Variants in POM121C observed in about 807,000 individuals in gnomAD.
POM121C encodes the protein nuclear envelope pore membrane protein POM 121C.
POM121C carries 20 observed loss-of-function variants against 66.4 expected under a neutral mutation model. That is an observed-to-expected ratio of 0.30 (90% CI 0.21 to 0.44). POM121C has a LOEUF of 0.44. POM121C is among the 20% of genes least tolerant of loss of function. POM121C has a pLI of 1.00. For missense variants in POM121C, 580 were observed against 1,225.7 expected (o/e 0.47, Z 7.87); for synonymous variants, 286 against 528.0 (o/e 0.54, Z 6.28).
chr7:75,433,194 C>G lies in POM121C; in HGVS notation c.480+4321G>C, dbSNP rs1427013832. Reference sequence around the variant, plus strand: ...AGATTGCAGTGAGCTGAGATCGCACCGCTGCACTCTAGCCCCAGCGACAGT... The same window carrying G: ...AGATTGCAGTGAGCTGAGATCGCACGGCTGCACTCTAGCCCCAGCGACAGT... On this transcript the variant is annotated intron_variant, in intron 7 of 14. Transcript: ENST00000615331. Among the ~76,000 whole-genome samples, 3 of 132,528 alleles carry G rather than the reference C, an allele frequency of 2.3e-5. No individual in the cohort carries two copies. In the East Asian group the frequency reaches 7.4e-4, roughly 33 times the overall value. 86.9% of individuals were successfully genotyped at this position (132,528 alleles called of 152,430 possible).
intron 1 of POM121C, among the ~76,000 whole-genome samples, chr7:75,482,755 G>A (rs1388391547): frequency 6.6e-6 from 1 of 151,984 alleles, no homozygotes; most frequent in Admixed American, 6.6e-5. Flanking sequence ...AATACTTACA[G>A]ATGAATCTTT....
At chr7:75,475,000 C>T in intron 2 of POM121C, 62 bp downstream of exon 2, 1 of 1,476,208 alleles carries the variant, frequency 6.8e-7, no homozygotes, top group Admixed American at 1.7e-5. Flanking sequence ...CCACTTATTT[C>T]TTCAAACTCA....
Position 75,470,663 on chromosome 7 carries a change from C to T in POM121C, c.-152+4041G>A, listed in dbSNP as rs1264872486. On this transcript the variant is annotated intron_variant, in intron 3 of 14. Transcript: ENST00000615331. Reference sequence around the variant, plus strand: ...TTTTCTTTTTTTTGAGAAAGGGTCTCACCCTGTCACCCAGGCTGGAGTGCA... The same window carrying T: ...TTTTCTTTTTTTTGAGAAAGGGTCTTACCCTGTCACCCAGGCTGGAGTGCA... Among the ~76,000 whole-genome samples the T allele has an allele frequency of 1.0e-4, 15 of 150,680 alleles. No homozygotes were observed. In the South Asian group the frequency reaches 3.2e-3, roughly 32 times the overall value.
chr7:75,435,662 A>C (rs1790374324), intron 7 of POM121C, among the ~76,000 whole-genome samples: 1 of 152,254 alleles, frequency 6.6e-6, no homozygotes, highest in Non-Finnish European at 1.5e-5. Context: ...TAGGATTCAC[A>C]GAGGGATATA....
Position 75,421,784 on chromosome 7 carries a change from C to G in POM121C, c.2468G>C (p.Ser823Thr), listed in dbSNP as rs1396983374. 2.5e-6 allele frequency: 4 copies of G among 1,608,014 alleles called. No homozygotes were observed. In the African/African-American group the frequency reaches 5.3e-5, roughly 22 times the overall value. Residue 823 changes from serine (S) to threonine (T), a missense_variant, in exon 13 of 15, where the codon AGC (serine) becomes ACC (threonine). Physicochemically the swap from Ser to Thr is moderately conservative, Grantham distance 58 (BLOSUM62 1). Transcript: ENST00000615331. ...TGTTGTGCTGCCAAACACCGAGCTGCTGCTCCCGCTGCTGGCGGTCTGGGT... is the reference window on the plus strand; with the variant it reads ...TGTTGTGCTGCCAAACACCGAGCTGGTGCTCCCGCTGCTGGCGGTCTGGGT... ...ATTQTASSGS[S>T]SSVFGSTTPS... is the part of the protein sequence containing the mutation.
intron 7 of POM121C, among the ~76,000 whole-genome samples, chr7:75,432,923 T>C (rs1440607884): frequency 6.6e-6 from 1 of 152,134 alleles, no homozygotes; most frequent in African/African-American, 2.4e-5. Flanking sequence ...ATTTGCACGT[T>C]ACCGATTCTA....
intron 3 of POM121C, among the ~76,000 whole-genome samples, chr7:75,467,336 C>A (rs180798193): frequency 1.7e-4 from 26 of 151,766 alleles, no homozygotes; most frequent in African/African-American, 6.3e-4. Context: ...TTGAGACCAT[C>A]CTGGCTAACA....
intron 3 of POM121C, among the ~76,000 whole-genome samples, chr7:75,447,177 GAC>G (rs1199978732): frequency 6.7e-6 from 1 of 148,804 alleles, no homozygotes; most frequent in South Asian, 2.1e-4. Context: ...ACCCCAAACT[GAC>G]ACATATTAAA....
intron 3 of POM121C, among the ~76,000 whole-genome samples, chr7:75,463,540 A>G (rs1311807762): frequency 6.6e-5 from 10 of 150,814 alleles, no homozygotes; most frequent in Admixed American, 6.6e-4. Context: ...CGGCAGAGAG[A>G]CTTTCAGAGA....
Position 75,419,300 on chromosome 7 carries a change from C to G in POM121C, c.2866+20G>C. 1 of 1,604,748 alleles carries G rather than the reference C, an allele frequency of 6.2e-7. No individual in the cohort carries two copies. Among genetic ancestry groups the G allele is most frequent in the Non-Finnish European group, 8.5e-7 (1 of 1,175,576 alleles). On this transcript the variant is annotated intron_variant, in intron 14 of 14. Transcript: ENST00000615331. ...CTCCTCAGACAGACGAGCAGGGCCA[C>G]AGGGTGGCTTGCTGCTTACCGAACG...
rs1554473172 is a variant in POM121C, at chr7:75,437,546, C to G, written c.449G>C (p.Ser150Thr). ...IPSSSRNAIT[S>T]SYSSTRGISQ... ...GATGCCTCGAGTGGAGCTGTAGGAACTGGTAATGGCATTGCGGCTGGAGCT... is the reference window on the plus strand; with the variant it reads ...GATGCCTCGAGTGGAGCTGTAGGAAGTGGTAATGGCATTGCGGCTGGAGCT... The change falls in exon 7 of 15, where the codon AGT (serine) becomes ACT (threonine). Residue 150 changes from serine (S) to threonine (T), a missense_variant. Transcript: ENST00000615331. 1 of 1,613,742 alleles carries G rather than the reference C, an allele frequency of 6.2e-7. No individual in the cohort carries two copies. The highest frequency in any genetic ancestry group is 1.3e-5 in the African/African-American group (1 of 75,030).
intron 7 of POM121C, among the ~76,000 whole-genome samples, chr7:75,430,845 G>A (rs1251244843): frequency 6.6e-6 from 1 of 152,010 alleles, no homozygotes; most frequent in Non-Finnish European, 1.5e-5. Flanking sequence ...GGGAGACTGA[G>A]GTGGGCAGAT....
chr7:75,463,205 T>C (rs587707799), intron 3 of POM121C, among the ~76,000 whole-genome samples: 9 of 152,054 alleles, frequency 5.9e-5, no homozygotes, highest in Admixed American at 2.0e-4. Flanking sequence ...ATTAGCCAGG[T>C]GTGGTGACAC....
At chr7:75,464,623 A>C (rs1350015222) in intron 3 of POM121C, among the ~76,000 whole-genome samples, 10 of 151,160 alleles carry the variant, frequency 6.6e-5, no homozygotes, top group African/African-American at 2.2e-4. Flanking sequence ...TTATAGACAA[A>C]CTAAAGCTTA....
At chr7:75,447,678 A>C (rs1458312542) in intron 3 of POM121C, among the ~76,000 whole-genome samples, 3 of 152,078 alleles carry the variant, frequency 2.0e-5, no homozygotes, top group South Asian at 2.1e-4. Context: ...CTTGAGCCCC[A>C]GAGTTCGAGA....
chr7:75,462,431 C>A (rs1470801076), intron 3 of POM121C, among the ~76,000 whole-genome samples: 9 of 150,606 alleles, frequency 6.0e-5, no homozygotes, highest in African/African-American at 1.9e-4. Flanking sequence ...CTGACTAATA[C>A]TCCAAATGAA....
chr7:75,424,077 C>G lies in POM121C; in HGVS notation c.1020G>C (p.Gln340His), dbSNP rs782042499. 1 of 1,611,786 alleles carries G rather than the reference C, an allele frequency of 6.2e-7. No individual in the cohort carries two copies. The highest frequency in any genetic ancestry group is 8.5e-7 in the Non-Finnish European group (1 of 1,179,802). ...GGCAGGGTGGCAGGCTCGGGGGAGT[C>G]TGCATCTTCTTCAAGCTCTCTAACA... is the stretch of plus-strand genomic sequence containing the variant. ...NPLLESLKKMQTPPSLPPCPE... is the reference protein window; with the variant it reads ...NPLLESLKKMHTPPSLPPCPE... Residue 340 changes from glutamine to histidine, a missense_variant, in exon 12 of 15, where the codon CAG becomes CAC. Gln to His is a conservative substitution (Grantham distance 24, BLOSUM62 0). Coordinates refer to ENST00000615331, the MANE Select transcript of POM121C (RefSeq NM_001099415.3).
intron 3 of POM121C, among the ~76,000 whole-genome samples, chr7:75,447,007 CAAAAAAAAAAAAAAAAA>C (rs60389539): frequency 2.6e-4 from 14 of 53,516 alleles, no homozygotes; most frequent in Non-Finnish European, 3.7e-4. Flanking sequence ...GACTCCGTCT[CAAAAAAAAAAAAAAAAA>C]AAAAAAAAAA....
intron 3 of POM121C, among the ~76,000 whole-genome samples, chr7:75,446,852 C>CA (rs1790827267): frequency 6.7e-6 from 1 of 148,746 alleles, no homozygotes; most frequent in Admixed American, 6.7e-5. Flanking sequence ...TATTAAAATA[C>CA]AAAAAATTAG....
Sources: allele counts gnomAD v4.1 joint callset (sites outside exome capture counted in the v4.1 genomes callset), GRCh38; gene constraint gnomAD v4.1.1; transcripts MANE v1.5; gene names NCBI Gene and HGNC (gene_info 2026-07-23, HGNC 2026-07-21).